Variants in MYO5B observed in about 807,000 individuals in gnomAD.
The protein encoded by MYO5B is unconventional myosin-Vb.
In MYO5B, 143 loss-of-function variants were observed where a neutral mutation model predicts 229.3. The observed-to-expected ratio is 0.62, with a 90% CI of 0.54 to 0.72. The LOEUF (loss-of-function observed/expected upper bound fraction) is 0.72. Among genes scored for constraint, MYO5B ranks in the 30% least tolerant of loss-of-function variants. The pLI, the probability that MYO5B is intolerant of heterozygous loss-of-function variation, is 0.00. For missense variants in MYO5B, 2,321 were observed against 2,331.0 expected (o/e 1.00, Z 0.09); for synonymous variants, 918 against 885.2 (o/e 1.04, Z -0.66).
chr18:49,972,952 C>T (rs967924700), intron 10 of MYO5B, among the ~76,000 whole-genome samples: 5 of 152,140 alleles, frequency 3.3e-5, no homozygotes, highest in African/African-American at 9.7e-5. Flanking sequence ...TTCCTCATAT[C>T]TTGGTTGCAC....
chr18:49,861,360 A>G (rs1253442684), intron 29 of MYO5B, among the ~76,000 whole-genome samples: 1 of 152,196 alleles, frequency 6.6e-6, no homozygotes, highest in African/African-American at 2.4e-5. Context: ...GAGGCTGCCA[A>G]TGGTGACGGC....
At position 49,863,339 on chromosome 18, in the gene MYO5B, C is replaced by G; in HGVS notation, c.3844-12G>C. 1 of 1,611,972 alleles carries G rather than the reference C, an allele frequency of 6.2e-7. No individual in the cohort carries two copies. Among genetic ancestry groups the G allele is most frequent in the Non-Finnish European group, 8.5e-7 (1 of 1,178,578 alleles). On this transcript the variant is annotated splice_polypyrimidine_tract_variant and intron_variant, in intron 28 of 39. Coordinates refer to ENST00000285039, the MANE Select transcript of MYO5B (RefSeq NM_001080467.3). ...TTAATGTTCGGCTCCTAGAAAGCCC[C>G]AGATAAAAAAATAACTCTGGTTAAA... is the stretch of plus-strand genomic sequence containing the variant.
chr18:49,828,748 A>G (rs2023878586), intron 39 of MYO5B, among the ~76,000 whole-genome samples: 1 of 152,228 alleles, frequency 6.6e-6, no homozygotes, highest in African/African-American at 2.4e-5. Flanking sequence ...TCAATAAATG[A>G]AAGCTGCAAA....
At chr18:49,913,192 T>C (rs897785672) in intron 17 of MYO5B, among the ~76,000 whole-genome samples, 1 of 152,222 alleles carries the variant, frequency 6.6e-6, no homozygotes, top group African/African-American at 2.4e-5. Flanking sequence ...GGGAGGGGAA[T>C]CTTTAAAGAA....
chr18:50,191,957 A>G (rs939274365), intron 1 of MYO5B, among the ~76,000 whole-genome samples: 1 of 152,194 alleles, frequency 6.6e-6, no homozygotes, highest in African/African-American at 2.4e-5. Context: ...TGAAATCATG[A>G]CTTTATGAAA....
At chr18:50,168,115 T>C (rs907980875) in intron 1 of MYO5B, among the ~76,000 whole-genome samples, 10 of 152,316 alleles carry the variant, frequency 6.6e-5, no homozygotes, top group Admixed American at 2.6e-4. Flanking sequence ...CATTGATAGA[T>C]TGCTAATTAA....
chr18:50,066,293 C>T (rs1598993968), intron 1 of MYO5B, among the ~76,000 whole-genome samples: 1 of 152,240 alleles, frequency 6.6e-6, no homozygotes, highest in Admixed American at 6.5e-5. Flanking sequence ...TGTCCTACCA[C>T]TATCCCCATA....
At chr18:50,086,166 C>T (rs1183612365) in intron 1 of MYO5B, among the ~76,000 whole-genome samples, 2 of 152,140 alleles carry the variant, frequency 1.3e-5, no homozygotes, top group East Asian at 3.9e-4. Context: ...CCCTGTTTAA[C>T]GGATTTATGG....
chr18:49,870,800 T>C lies in MYO5B; in HGVS notation c.3603+1367A>G, dbSNP rs557645097. 3.3e-5 allele frequency among the ~76,000 whole-genome samples: 5 copies of C among 152,188 alleles called. No individual in the cohort carries two copies. In the South Asian group the frequency reaches 8.3e-4, roughly 25 times the overall value. On this transcript the variant is annotated intron_variant, in intron 27 of 39. Coordinates refer to ENST00000285039, the MANE Select transcript of MYO5B (RefSeq NM_001080467.3). ...ATAAAAGAAAAGAAAATACTACGTG[T>C]TGGCAAGGATGTGGAGAAACTGGAA... is the stretch of plus-strand genomic sequence containing the variant.
At chr18:50,102,651 G>C (rs67235664) in intron 1 of MYO5B, among the ~76,000 whole-genome samples, 37,648 of 151,876 alleles carry the variant, frequency 0.25, 5,533 homozygotes, top group African/African-American at 0.41. Flanking sequence ...ACCTGGCTCT[G>C]GAGTATAGTC....
chr18:50,064,906 A>G (rs1429969316), intron 1 of MYO5B, among the ~76,000 whole-genome samples: 3 of 152,224 alleles, frequency 2.0e-5, no homozygotes, highest in East Asian at 1.9e-4. Flanking sequence ...ACTGACCAAA[A>G]TTATTAAGAG....
chr18:50,067,280 G>T (rs917070884), intron 1 of MYO5B, among the ~76,000 whole-genome samples: 1 of 152,206 alleles, frequency 6.6e-6, no homozygotes, highest in African/African-American at 2.4e-5. Flanking sequence ...TAAATGGGAA[G>T]ATCGGTTATA....
chr18:50,069,033 GT>G (rs1642002399), intron 1 of MYO5B, among the ~76,000 whole-genome samples: 1 of 152,034 alleles, frequency 6.6e-6, no homozygotes, highest in African/African-American at 2.4e-5. Flanking sequence ...GAATAAGTAG[GT>G]TCTATCATTA....
intron 16 of MYO5B, among the ~76,000 whole-genome samples, chr18:49,931,269 C>T (rs981523435): frequency 4.6e-5 from 7 of 152,148 alleles, no homozygotes; most frequent in South Asian, 2.1e-4. Flanking sequence ...CAACACTCCA[C>T]GTTGCACATC....
At chr18:49,988,465 G>A (rs955234234) in intron 7 of MYO5B, among the ~76,000 whole-genome samples, 5 of 152,222 alleles carry the variant, frequency 3.3e-5, no homozygotes, top group African/African-American at 1.2e-4. Context: ...TGGGGCCCAT[G>A]TACCTTGCAG....
intron 3 of MYO5B, 29 bp from the exon 4 acceptor site, chr18:50,037,023 G>T: frequency 6.2e-7 from 1 of 1,613,664 alleles, no homozygotes; most frequent in South Asian, 1.1e-5. Flanking sequence ...GTCAGATTCC[G>T]ACAGCACAGA....
intron 4 of MYO5B, among the ~76,000 whole-genome samples, chr18:50,033,540 T>C (rs1228362277): frequency 6.6e-6 from 1 of 152,128 alleles, no homozygotes; most frequent in Non-Finnish European, 1.5e-5. Flanking sequence ...ATTGAGCCTA[T>C]CAAATAACTG....
At chr18:49,889,735 C>T (rs1787306) in intron 22 of MYO5B, among the ~76,000 whole-genome samples, 88,346 of 152,044 alleles carry the variant, frequency 0.58, 25,825 homozygotes, top group Middle Eastern at 0.67. Context: ...CAGCACAGAG[C>T]GCATGACATC....
chr18:50,114,675 A>G (rs1476505486), intron 1 of MYO5B, among the ~76,000 whole-genome samples: 1 of 152,248 alleles, frequency 6.6e-6, no homozygotes, highest in Non-Finnish European at 1.5e-5. Flanking sequence ...GCAAAGAACT[A>G]GAGGACCAGA....
Sources: allele counts gnomAD v4.1 joint callset (sites outside exome capture counted in the v4.1 genomes callset), GRCh38; gene constraint gnomAD v4.1.1; transcripts MANE v1.5; gene names NCBI Gene and HGNC (gene_info 2026-07-23, HGNC 2026-07-21).